The following ENAH variants were observed in gnomAD, a reference collection of about 807,000 sequenced individuals.
ENAH encodes ENAH actin regulator.
Under a neutral mutation model 78.7 loss-of-function variants are expected in ENAH, and 23 were observed. The observed-to-expected ratio is 0.29, with a 90% CI of 0.21 to 0.41. The LOEUF (loss-of-function observed/expected upper bound fraction) is 0.41, where lower values mean the gene tolerates loss of function less well. Ranked by LOEUF, ENAH falls within the 10% of genes least tolerant of loss-of-function variation. The probability of loss-of-function intolerance (pLI) is 1.00; values close to 1 mark genes in which losing one functional copy is unlikely to be tolerated. For missense variants in ENAH, 544 were observed against 691.0 expected (o/e 0.79, Z 2.39); for synonymous variants, 226 against 241.0 (o/e 0.94, Z 0.58).
intron 1 of ENAH, among the ~76,000 whole-genome samples, chr1:225,609,904 T>G (rs1489845983): frequency 1.3e-5 from 2 of 152,050 alleles, no homozygotes; most frequent in African/African-American, 4.8e-5. Context: ...CCTCAAGTGA[T>G]CCGCCTGCCT....
chr1:225,629,022 G>A (rs1159010415), intron 1 of ENAH, among the ~76,000 whole-genome samples: 3 of 152,036 alleles, frequency 2.0e-5, no homozygotes, highest in Non-Finnish European at 4.4e-5. Context: ...GCTTACAACT[G>A]TAATCCCAGG....
At chr1:225,507,517 A>G (rs1236696146) in intron 11 of ENAH, among the ~76,000 whole-genome samples, 13 of 152,200 alleles carry the variant, frequency 8.5e-5, no homozygotes, top group Admixed American at 8.5e-4. Flanking sequence ...TTAGGGTGAA[A>G]CAGTTCTTAT....
At chr1:225,574,189 T>G (rs2096776648) in intron 1 of ENAH, among the ~76,000 whole-genome samples, 1 of 152,218 alleles carries the variant, frequency 6.6e-6, no homozygotes, top group Non-Finnish European at 1.5e-5. Context: ...TTTCAAAGAT[T>G]AAAGAGGCTC....
At chr1:225,518,371 AAAC>A (rs1463974533) in intron 5 of ENAH, among the ~76,000 whole-genome samples, 7 of 152,326 alleles carry the variant, frequency 4.6e-5, no homozygotes, top group African/African-American at 1.4e-4. Flanking sequence ...GTTTTTTTAA[AAAC>A]AACAAATAGC....
At chr1:225,591,217 C>T (rs1166923666) in intron 1 of ENAH, among the ~76,000 whole-genome samples, 1 of 152,162 alleles carries the variant, frequency 6.6e-6, no homozygotes, top group Non-Finnish European at 1.5e-5. Flanking sequence ...GCCTGTAATC[C>T]CAGCCCTTTG....
chr1:225,525,267 TA>T (rs1299603851), intron 4 of ENAH, among the ~76,000 whole-genome samples: 1 of 152,204 alleles, frequency 6.6e-6, no homozygotes, highest in African/African-American at 2.4e-5. Flanking sequence ...ATTTTCCCAA[TA>T]AACTCATACC....
chr1:225,613,892 A>G (rs1033607954), intron 1 of ENAH, among the ~76,000 whole-genome samples: 2 of 152,114 alleles, frequency 1.3e-5, no homozygotes, highest in Admixed American at 6.6e-5. Context: ...GTCCCAGAAG[A>G]CCACCCCAAC....
intron 4 of ENAH, among the ~76,000 whole-genome samples, chr1:225,530,174 A>C (rs2096531186): frequency 6.6e-6 from 1 of 152,264 alleles, no homozygotes; most frequent in South Asian, 2.1e-4. Flanking sequence ...TTACAGAAAC[A>C]GCCAACAATA....
chr1:225,514,746 G>T lies in ENAH; in HGVS notation c.1068C>A (p.Leu356=). The T allele has an allele frequency of 1.0e-6, 1 of 1,004,898 alleles. No homozygotes were observed. The highest frequency in any genetic ancestry group is 1.4e-6 in the Non-Finnish European group (1 of 718,304). 62.2% of individuals were successfully genotyped at this position (1,004,898 alleles called of 1,614,324 possible). A position where few individuals can be genotyped will look rare whatever the true frequency, so the allele number is the denominator to read the frequency against. The change falls in exon 7 of 14, where the codon CTC becomes CTA. Residue 356 remains leucine, a synonymous_variant. Coordinates refer to ENST00000366843, the MANE Select transcript of ENAH (RefSeq NM_018212.6). ...GAGGAGGAGGGGGTACTTGATTAGG[G>T]AGAGGAGGGGGAGGAGGGGGCGGTG... ...GPPPPPPPPP[L]PNQVPPPPPP... is the part of the protein sequence containing the mutation.
intron 1 of ENAH, among the ~76,000 whole-genome samples, chr1:225,624,640 T>C (rs1031910058): frequency 3.5e-5 from 2 of 57,920 alleles, no homozygotes; most frequent in Non-Finnish European, 2.9e-5. Flanking sequence ...AATCAACAAA[T>C]AAATAAATAA....
intron 3 of ENAH, among the ~76,000 whole-genome samples, chr1:225,533,922 C>T (rs942848962): frequency 7.2e-5 from 11 of 151,960 alleles, no homozygotes; most frequent in African/African-American, 1.9e-4. Flanking sequence ...AACTTAGCAA[C>T]GTGTTAATTA....
At chr1:225,593,012 C>T (rs1471815163) in intron 1 of ENAH, among the ~76,000 whole-genome samples, 1 of 152,086 alleles carries the variant, frequency 6.6e-6, no homozygotes, top group Non-Finnish European at 1.5e-5. Flanking sequence ...CCAGATGACC[C>T]CTGGCACAAA....
At chr1:225,550,822 T>C (rs1353151390) in intron 3 of ENAH, among the ~76,000 whole-genome samples, 1 of 152,206 alleles carries the variant, frequency 6.6e-6, no homozygotes, top group African/African-American at 2.4e-5. Flanking sequence ...TGAAAAGGCA[T>C]GCTTCATCTT....
At chr1:225,568,840 G>C (rs536185257) in intron 1 of ENAH, among the ~76,000 whole-genome samples, 2 of 152,286 alleles carry the variant, frequency 1.3e-5, no homozygotes, top group East Asian at 3.9e-4. Flanking sequence ...TAATAAAATT[G>C]CTTCAGAACA....
At chr1:225,535,498 G>A in intron 3 of ENAH, 5 of 1,301,324 alleles carry the variant, frequency 3.8e-6, no homozygotes, top group South Asian at 2.5e-5. Flanking sequence ...TAAACATAAT[G>A]TTGCTTACCA....
At chr1:225,633,799 C>T (rs1198263848) in intron 1 of ENAH, among the ~76,000 whole-genome samples, 1 of 152,086 alleles carries the variant, frequency 6.6e-6, no homozygotes, top group Non-Finnish European at 1.5e-5. Context: ...ACTTAATTTG[C>T]ACCAGGTGTG....
At chr1:225,532,147 T>A (rs1446019311) in intron 3 of ENAH, among the ~76,000 whole-genome samples, 3 of 152,070 alleles carry the variant, frequency 2.0e-5, no homozygotes, top group Admixed American at 6.6e-5. Context: ...GAAATTAAAA[T>A]AATGATGTAA....
At chr1:225,567,169 A>T in intron 2 of ENAH, 80 bp downstream of exon 2, 1 of 1,486,792 alleles carries the variant, frequency 6.7e-7, no homozygotes, top group Non-Finnish European at 9.1e-7. Context: ...ACAGTTTTAA[A>T]ACTACTTTAT....
intron 1 of ENAH, among the ~76,000 whole-genome samples, chr1:225,602,621 T>TTATA (rs201607479): frequency 6.6e-6 from 1 of 151,602 alleles, no homozygotes; most frequent in Non-Finnish European, 1.5e-5. Flanking sequence ...TTAGCAAAGG[T>TTATA]TATATATATA....
Sources: allele counts gnomAD v4.1 joint callset (sites outside exome capture counted in the v4.1 genomes callset), GRCh38; gene constraint gnomAD v4.1.1; transcripts MANE v1.5; gene names NCBI Gene and HGNC (gene_info 2026-07-23, HGNC 2026-07-21).